Variants in ANKRD13A observed in about 807,000 individuals in gnomAD.
ANKRD13A encodes the protein ankyrin repeat domain 13A, also known as ankyrin repeat domain-containing protein 13A.
ANKRD13A carries 48 observed loss-of-function variants against 81.3 expected under a neutral mutation model. That is an observed-to-expected ratio of 0.59 (90% CI 0.47 to 0.75). The LOEUF is 0.75. ANKRD13A is among the 30% of genes least tolerant of loss of function. The pLI is 0.00. For missense variants in ANKRD13A, 612 were observed against 734.0 expected (o/e 0.83, Z 1.92); for synonymous variants, 230 against 270.1 (o/e 0.85, Z 1.45).
Position 110,019,171 on chromosome 12 carries a change from G to A in ANKRD13A, c.577G>A (p.Asp193Asn). Residue 193 changes from aspartate to asparagine, a missense_variant, in exon 6 of 15, where the codon GAT (aspartate) becomes AAT (asparagine). By Grantham distance (23) the Asp-to-Asn change is conservative. Transcript: ENST00000261739. ...GGCGGAGTTAATGGAAGTCAACCATGATGACAAAGTGGTCACCACCGAACG... is the reference window on the plus strand; with the variant it reads ...GGCGGAGTTAATGGAAGTCAACCATAATGACAAAGTGGTCACCACCGAACG... Reference protein sequence around the residue: ...NWAELMEVNHDDKVVTTERFD... With the variant: ...NWAELMEVNHNDKVVTTERFD... The A allele has an allele frequency of 6.2e-7, 1 of 1,607,438 alleles. No homozygotes were observed. The highest frequency in any genetic ancestry group is 1.1e-5 in the South Asian group (1 of 90,192).
chr12:110,010,109 C>T (rs908486336), intron 1 of ANKRD13A, among the ~76,000 whole-genome samples: 2 of 152,344 alleles, frequency 1.3e-5, no homozygotes, highest in South Asian at 4.1e-4. Context: ...TCAGGTGATC[C>T]ACCCACCTCG....
At chr12:110,012,880 C>T (rs1459986655) in intron 2 of ANKRD13A, among the ~76,000 whole-genome samples, 2 of 152,066 alleles carry the variant, frequency 1.3e-5, no homozygotes, top group Admixed American at 6.6e-5. Flanking sequence ...ATCAGGATTT[C>T]GCAACCAGTG....
chr12:110,012,031 T>A lies in ANKRD13A; in HGVS notation c.123T>A (p.Gly41=). ...ATGTGGAGGCTGTGGACCCACGAGG[T>A]CGAACATTATTGCATCTTGCTGTTT... ...GQNVEAVDPR[G]RTLLHLAVSL... is the part of the protein sequence containing the mutation. The change falls in exon 2 of 15, where the codon GGT becomes GGA. Residue 41 remains glycine (G), a synonymous_variant. Coordinates refer to ENST00000261739, the MANE Select transcript of ANKRD13A (RefSeq NM_033121.2). 6.2e-7 allele frequency: 1 copy of A among 1,610,058 alleles called. No homozygotes were observed. Among genetic ancestry groups the A allele is most frequent in the East Asian group, 2.2e-5 (1 of 44,782 alleles).
At chr12:110,009,301 G>A (rs1189406172) in intron 1 of ANKRD13A, among the ~76,000 whole-genome samples, 2 of 152,062 alleles carry the variant, frequency 1.3e-5, no homozygotes, top group Non-Finnish European at 2.9e-5. Flanking sequence ...GGCTGGTCTC[G>A]AACTCCCGAC....
Position 109,999,456 on chromosome 12 carries a change from C to T in ANKRD13A, c.-233C>T, listed in dbSNP as rs529179151. 1.9e-4 allele frequency: 45 copies of T among 237,270 alleles called. No individual in the cohort carries two copies. The South Asian group carries it at 6.6e-3, about 35-fold the overall frequency. The allele number at this position is 237,270 out of a possible 1,614,324, so 14.7% of individuals were successfully genotyped here. On this transcript the variant is annotated 5_prime_UTR_variant, in exon 1 of 15. Coordinates refer to ENST00000261739, the MANE Select transcript of ANKRD13A (RefSeq NM_033121.2). The surrounding 1 kb of genome is among the most constrained non-coding windows in gnomAD (Gnocchi z 4.3). ...GAAGTCTGTCCGCGAGCTGTCAGCGCGGGCGGGAACGCCGCGGGGCGCGGG... is the reference window on the plus strand; with the variant it reads ...GAAGTCTGTCCGCGAGCTGTCAGCGTGGGCGGGAACGCCGCGGGGCGCGGG...
intron 13 of ANKRD13A, among the ~76,000 whole-genome samples, chr12:110,034,745 G>A (rs527434424): frequency 9.8e-5 from 15 of 152,302 alleles, no homozygotes; most frequent in African/African-American, 3.6e-4. Flanking sequence ...CTAGGGTAGG[G>A]TCTGGTCTGC....
Position 110,003,797 on chromosome 12 carries a change from G to A in ANKRD13A, c.96+4013G>A, listed in dbSNP as rs79051683. 1.6e-3 allele frequency among the ~76,000 whole-genome samples: 242 copies of A among 152,176 alleles called. 5 individuals are homozygous for A. The East Asian group carries it at 0.027, about 17-fold the overall frequency. On this transcript the variant is annotated intron_variant, in intron 1 of 14. Transcript: ENST00000261739. ...TTTTGATTGAGGAGGCTGAGGTGGG[G>A]TCAGTGCTTGAGGACAGGAGTTCAA... is the stretch of plus-strand genomic sequence containing the variant.
chr12:110,013,766 G>A (rs1890648161), intron 3 of ANKRD13A, among the ~76,000 whole-genome samples: 1 of 151,892 alleles, frequency 6.6e-6, no homozygotes, highest in South Asian at 2.1e-4. Context: ...CTCCAGTCTG[G>A]GTGACAGAGC....
At chr12:110,023,048 C>T (rs1891153368) in intron 6 of ANKRD13A, among the ~76,000 whole-genome samples, 1 of 152,214 alleles carries the variant, frequency 6.6e-6, no homozygotes, top group Admixed American at 6.5e-5. Context: ...ATGCTAATAA[C>T]CGCATATGTT....
chr12:110,024,184 AT>A lies in ANKRD13A; in HGVS notation c.801+79del. On this transcript the variant is annotated intron_variant, in intron 7 of 14. Transcript: ENST00000261739. ...CTATGCAAATGAGGAATCTGTTCCC[AT>A]TTTTTTCATGCATCTGTGCCATGGA... The A allele has an allele frequency of 3.0e-6, 4 of 1,351,340 alleles. No homozygotes were observed. In the South Asian group the frequency reaches 4.1e-5, roughly 14 times the overall value. 83.7% of individuals were successfully genotyped at this position (1,351,340 alleles called of 1,614,324 possible).
At chr12:110,014,176 G>C (rs1421977059) in intron 3 of ANKRD13A, among the ~76,000 whole-genome samples, 3 of 152,314 alleles carry the variant, frequency 2.0e-5, no homozygotes, top group African/African-American at 7.2e-5. Flanking sequence ...ACTTTGGGAG[G>C]CTGAGGTGGG....
upstream of ANKRD13A, chr12:109,999,239 C>G (rs187299153): frequency 1.3e-5 from 2 of 153,088 alleles, no homozygotes; most frequent in African/African-American, 4.8e-5. This position sits in a 1 kb window ranked among gnomAD's most constrained non-coding sequence, Gnocchi z 4.3. Context: ...ACGGAACTTT[C>G]CGCGTGGAGA....
At position 109,999,860 on chromosome 12, in the gene ANKRD13A, A is replaced by G. The variant is rs1188815385; in HGVS notation, c.96+76A>G. On this transcript the variant is annotated intron_variant, in intron 1 of 14. Transcript: ENST00000261739. The surrounding 1 kb of genome is among the most constrained non-coding windows in gnomAD (Gnocchi z 4.3). ...GGGGTCGTTTCGCCTCCCTGAGCCCATTTCCAGCCCTCTGTCCCCGGGATC... is the reference window on the plus strand; with the variant it reads ...GGGGTCGTTTCGCCTCCCTGAGCCCGTTTCCAGCCCTCTGTCCCCGGGATC... The G allele has an allele frequency of 7.5e-7, 1 of 1,331,288 alleles. No homozygotes were observed. Among genetic ancestry groups the G allele is most frequent in the Non-Finnish European group, 1.0e-6 (1 of 989,226 alleles). The allele number at this position is 1,331,288 out of a possible 1,614,324, so 82.5% of individuals were successfully genotyped here. A position where few individuals can be genotyped will look rare whatever the true frequency, so the allele number is the denominator to read the frequency against.
intron 1 of ANKRD13A, among the ~76,000 whole-genome samples, chr12:110,011,003 G>T: frequency 6.6e-6 from 1 of 152,124 alleles, no homozygotes; most frequent in Non-Finnish European, 1.5e-5. Flanking sequence ...TACTAGGGAG[G>T]CTGATATGGG....
rs1409576040 is a variant in ANKRD13A, at chr12:110,037,676, C to T, written c.*122C>T. ...CGTGCATGCAGCAGGCAACAACTGC[C>T]CCTTCTTTATGCAGAGGTGCAGAAC... On this transcript the variant is annotated 3_prime_UTR_variant, in exon 15 of 15. Transcript: ENST00000261739. 5 of 1,004,594 alleles carry T rather than the reference C, an allele frequency of 5.0e-6. No homozygotes were observed. The Admixed American group carries it at 1.4e-4, about 29-fold the overall frequency. The allele number at this position is 1,004,594 out of a possible 1,614,324, so 62.2% of individuals were successfully genotyped here.
At position 110,029,482 on chromosome 12, in the gene ANKRD13A, A is replaced by G. The variant is rs1454545411; in HGVS notation, c.1081A>G (p.Lys361Glu). 1.9e-6 allele frequency: 3 copies of G among 1,610,558 alleles called. No homozygotes were observed. The highest frequency in any genetic ancestry group is 8.5e-7 in the Non-Finnish European group (1 of 1,176,938). ...KELTIRTQKF[K>E]AMLWMCEEFP... is the part of the protein sequence containing the mutation. ...TTTCTTGGTTGAATTCTGCAGGTTT[A>G]AAGCAATGTTGTGGATGTGTGAAGA... Residue 361 changes from lysine (K) to glutamate (E), a missense_variant, in exon 11 of 15, where the codon AAA (lysine) becomes GAA (glutamate). By Grantham distance (56) the Lys-to-Glu change is moderately conservative (BLOSUM62 1). Transcript: ENST00000261739.
intron 8 of ANKRD13A, 141 bp downstream of exon 8, chr12:110,025,964 C>CTCTCT: frequency 2.0e-6 from 1 of 505,154 alleles, no homozygotes; most frequent in Non-Finnish European, 3.3e-6. Flanking sequence ...CTCTCTCTCT[C>CTCTCT]TTTTTTTTTT....
At chr12:110,035,250 C>T (rs1041339981) in intron 13 of ANKRD13A, among the ~76,000 whole-genome samples, 2 of 152,172 alleles carry the variant, frequency 1.3e-5, no homozygotes, top group African/African-American at 4.8e-5. Flanking sequence ...TAAGTTTTAA[C>T]AAGGGAAGTA....
intron 10 of ANKRD13A, 111 bp from the exon 11 acceptor site, chr12:110,029,367 C>A: frequency 8.6e-7 from 1 of 1,163,342 alleles, no homozygotes; most frequent in Admixed American, 2.1e-5. Flanking sequence ...TAAGAGATGA[C>A]TGGGCAGAGT....
Sources: gnomAD v4.1 joint callset for allele counts (sites outside exome capture counted in the v4.1 genomes callset) on GRCh38, gnomAD v4.1.1 for gene constraint, Gnocchi (gnomAD v3.1) non-coding constraint, MANE v1.5 for transcripts, NCBI Gene and HGNC (gene_info 2026-07-23, HGNC 2026-07-21) for gene names.